ANKS6: variants seen among roughly 807,000 people sequenced by gnomAD.
ANKS6 encodes ankyrin repeat and SAM domain-containing protein 6.
A neutral mutation model predicts 77.9 loss-of-function variants in ANKS6; 47 were observed. The observed-to-expected ratio is 0.60, with a 90% confidence interval of 0.48 to 0.77. The LOEUF is 0.77. Among genes scored for constraint, ANKS6 ranks in the 30% least tolerant of loss-of-function variants. The pLI, the probability that ANKS6 is intolerant of heterozygous loss-of-function variation, is 0.00. For synonymous variants in ANKS6, 488 were observed against 501.7 expected (o/e 0.97, Z 0.37); for missense variants, 1,150 against 1,159.1 (o/e 0.99, Z 0.11).
intron 14 of ANKS6, among the ~76,000 whole-genome samples, chr9:98,738,405 C>A (rs1415278583): frequency 6.6e-6 from 1 of 151,932 alleles, no homozygotes; most frequent in East Asian, 1.9e-4. Flanking sequence ...AACAAACAAT[C>A]CCATCAAAAA....
intron 11 of ANKS6, among the ~76,000 whole-genome samples, chr9:98,757,190 A>G (rs1390915519): frequency 6.6e-6 from 1 of 152,234 alleles, no homozygotes; most frequent in Non-Finnish European, 1.5e-5. Flanking sequence ...TCGTCACAGT[A>G]TAATGATCAA....
intron 1 of ANKS6, among the ~76,000 whole-genome samples, chr9:98,792,461 G>A (rs1022910114): frequency 2.1e-4 from 32 of 152,078 alleles, no homozygotes; most frequent in Admixed American, 3.9e-4. Flanking sequence ...GATCCACATC[G>A]GAGCTCAGTA....
chr9:98,742,912 A>G (rs1179896633), intron 14 of ANKS6, among the ~76,000 whole-genome samples: 1 of 152,214 alleles, frequency 6.6e-6, no homozygotes, highest in African/African-American at 2.4e-5. Context: ...AACTTTAAGA[A>G]CAATGTCCTC....
chr9:98,754,850 T>C (rs1832612883), intron 12 of ANKS6, among the ~76,000 whole-genome samples: 1 of 152,158 alleles, frequency 6.6e-6, no homozygotes, highest in Non-Finnish European at 1.5e-5. Flanking sequence ...CCATTTTTAA[T>C]AATGAACAAG....
intron 10 of ANKS6, 36 bp from the exon 11 acceptor site, chr9:98,768,286 C>T: frequency 1.2e-6 from 2 of 1,611,274 alleles, no homozygotes; most frequent in Non-Finnish European, 8.5e-7. Context: ...ACCATGGGCA[C>T]AGAGGGCTTA....
chr9:98,739,580 G>C (rs1447478214), intron 14 of ANKS6, among the ~76,000 whole-genome samples: 1 of 152,114 alleles, frequency 6.6e-6, no homozygotes, highest in African/African-American at 2.4e-5. Context: ...GAGATGATTA[G>C]AAGGCCTCAG....
chr9:98,752,054 A>G (rs1388638886), intron 12 of ANKS6, among the ~76,000 whole-genome samples: 1 of 152,088 alleles, frequency 6.6e-6, no homozygotes, highest in Non-Finnish European at 1.5e-5. Flanking sequence ...CCACTACACC[A>G]TTGCACTCCA....
intron 2 of ANKS6, chr9:98,789,813 G>C (rs1834785903): frequency 5.5e-6 from 2 of 361,576 alleles, no homozygotes; most frequent in Non-Finnish European, 9.9e-6. Context: ...GTTGTAGAAG[G>C]GCCCCAGAAC....
At chr9:98,760,035 C>T (rs541102571) in intron 11 of ANKS6, among the ~76,000 whole-genome samples, 28 of 152,174 alleles carry the variant, frequency 1.8e-4, no homozygotes, top group African/African-American at 6.5e-4. Context: ...TATATAATTA[C>T]CCAGATCTGA....
rs907553032 is a variant in ANKS6 at position 98,732,695 on chromosome 9, G to A, written c.*3824C>T. 27 of 1,466,344 alleles carry A rather than the reference G, an allele frequency of 1.8e-5. No homozygotes were observed. In the African/African-American group the frequency reaches 2.8e-4, roughly 15 times the overall value. The allele number at this position is 1,466,344 out of a possible 1,614,324, so 90.8% of individuals were successfully genotyped here. A position where few individuals can be genotyped will look rare whatever the true frequency, so the allele number is the denominator to read the frequency against. ...TCTCACTTTCACATGATCCCTGGGG[G>A]CTACTATCCCCCTGTAACCAAAAGG... On this transcript the variant is annotated 3_prime_UTR_variant, in exon 15 of 15. Coordinates refer to ENST00000353234, the MANE Select transcript of ANKS6 (RefSeq NM_173551.5).
intron 13 of ANKS6, among the ~76,000 whole-genome samples, chr9:98,747,006 G>C (rs550640674): frequency 1.3e-4 from 20 of 152,338 alleles, no homozygotes; most frequent in African/African-American, 4.1e-4. Flanking sequence ...ACTGCCAGGG[G>C]ACCTGGGCAG....
chr9:98,784,298 G>C (rs1311198661), intron 3 of ANKS6, 141 bp from the exon 4 acceptor site: 2 of 682,316 alleles, frequency 2.9e-6, no homozygotes, highest in East Asian at 6.2e-5. Flanking sequence ...GATACTAAGA[G>C]GGCGTCAGAG....
chr9:98,736,475 C>G lies in ANKS6; in HGVS notation c.*44G>C, dbSNP rs576912716. ...TGGGGCTGTGGCCACGTGAAGGGGT[C>G]CCGGGATTCAGAGAGCTCACGCTGG... On this transcript the variant is annotated 3_prime_UTR_variant, in exon 15 of 15. Transcript: ENST00000353234. 1.3e-5 allele frequency: 20 copies of G among 1,559,892 alleles called. No homozygotes were observed. The highest frequency in any genetic ancestry group is 1.7e-5 in the Non-Finnish European group (19 of 1,150,892).
Position 98,753,233 on chromosome 9 carries a change from C to A in ANKS6, c.2327-2137G>T, listed in dbSNP as rs529902581. On this transcript the variant is annotated intron_variant, in intron 12 of 14. Coordinates refer to ENST00000353234, the MANE Select transcript of ANKS6 (RefSeq NM_173551.5). Reference sequence around the variant, plus strand: ...ATTTGTTTTTGCCCTACTCTTGTACCCACAGCCAAGGAGTATGGTTCCAAC... The same window carrying A: ...ATTTGTTTTTGCCCTACTCTTGTACACACAGCCAAGGAGTATGGTTCCAAC... 8.0e-4 allele frequency among the ~76,000 whole-genome samples: 122 copies of A among 152,132 alleles called. 1 individual carries two copies. Among genetic ancestry groups the A allele is most frequent in the African/African-American group, 2.8e-3 (118 of 41,500 alleles).
chr9:98,790,703 C>G (rs1834859087), intron 1 of ANKS6, 97 bp from the exon 2 acceptor site: 2 of 1,465,490 alleles, frequency 1.4e-6, no homozygotes, highest in African/African-American at 2.8e-5. Context: ...GTCCTGACAG[C>G]TGCTCATGAT....
chr9:98,750,439 T>TA (rs2117881891), intron 13 of ANKS6, among the ~76,000 whole-genome samples: 1 of 152,368 alleles, frequency 6.6e-6, no homozygotes, highest in East Asian at 1.9e-4. Flanking sequence ...ATTTGGGTCG[T>TA]ATCCACAGTT....
chr9:98,782,770 G>C (rs1482282180), intron 4 of ANKS6, among the ~76,000 whole-genome samples, 197 bp from the exon 5 acceptor site: 1 of 152,128 alleles, frequency 6.6e-6, no homozygotes, highest in African/African-American at 2.4e-5. Flanking sequence ...CAAAGTCTAA[G>C]TGTTCCTTCC....
chr9:98,760,968 T>C (rs1460925706), intron 11 of ANKS6, among the ~76,000 whole-genome samples: 1 of 152,224 alleles, frequency 6.6e-6, no homozygotes, highest in Non-Finnish European at 1.5e-5. Context: ...ACTGCCTATC[T>C]TTTTCAAGGT....
At chr9:98,752,033 C>T (rs755701599) in intron 12 of ANKS6, among the ~76,000 whole-genome samples, 15 of 152,172 alleles carry the variant, frequency 9.9e-5, no homozygotes, top group Non-Finnish European at 1.9e-4. Flanking sequence ...CCACAGTGAG[C>T]TGCAATTATG....
Sources: allele counts gnomAD v4.1 joint callset (sites outside exome capture counted in the v4.1 genomes callset), GRCh38; gene constraint gnomAD v4.1.1; transcripts MANE v1.5; gene names NCBI Gene and HGNC (gene_info 2026-07-23, HGNC 2026-07-21).